SPMIP8: variants seen among roughly 807,000 people sequenced by gnomAD.
SPMIP8 encodes the protein sperm microtubule inner protein 8.
At chr16:57,980,002 T>C in the SPMIP8 span, among the ~76,000 whole-genome samples, 1 of 152,044 alleles carries the variant, frequency 6.6e-6, no homozygotes, top group African/African-American at 2.4e-5. Context: ...AGGCGGAGGT[T>C]GCGATGAGCC....
At chr16:57,981,404 T>TATTATTATAATTATTATTATA in the SPMIP8 span, among the ~76,000 whole-genome samples, 13 of 140,518 alleles carry the variant, frequency 9.3e-5, no homozygotes, top group South Asian at 2.1e-4. Context: ...TTATTATTAT[T>TATTATTATAATTATTATTATA]ATAATAATAA....
At chr16:57,987,568 C>A in the SPMIP8 span, 1 of 910,678 alleles carries the variant, frequency 1.1e-6, no homozygotes. Context: ...CCCTTAGAGA[C>A]ACACGCAATT....
At chr16:57,986,066 C>G in the SPMIP8 span, 1 of 1,276,676 alleles carries the variant, frequency 7.8e-7, no homozygotes, top group Non-Finnish European at 1.1e-6. Flanking sequence ...GGAGGAGGGG[C>G]CCTCCTGGGA....
the SPMIP8 span, chr16:57,976,720 A>C: frequency 8.5e-6 from 13 of 1,529,120 alleles, no homozygotes; most frequent in Admixed American, 2.3e-4. Context: ...ACATCCCCTA[A>C]GGCAGCTTCC....
chr16:57,983,341 T>C, the SPMIP8 span, among the ~76,000 whole-genome samples: 3 of 152,198 alleles, frequency 2.0e-5, no homozygotes, highest in African/African-American at 7.2e-5. Context: ...TTAATTAATA[T>C]TAATATCTGT....
the SPMIP8 span, chr16:57,984,531 T>A: frequency 3.7e-5 from 56 of 1,503,186 alleles, no homozygotes; most frequent in African/African-American, 7.2e-4. Context: ...CTCGGTCCAA[T>A]GCACCGGGCC....
At chr16:57,981,238 A>G in the SPMIP8 span, among the ~76,000 whole-genome samples, 18 of 151,318 alleles carry the variant, frequency 1.2e-4, no homozygotes, top group Non-Finnish European at 2.1e-4. Context: ...AAAATTAGCC[A>G]GGTGTGGTAG....
the SPMIP8 span, chr16:57,987,458 C>T: frequency 2.1e-5 from 33 of 1,576,540 alleles, no homozygotes; most frequent in Admixed American, 7.3e-5. Context: ...CCCAGGCTGC[C>T]GGACGGTGCC....
chr16:57,987,285 C>T, the SPMIP8 span: 2 of 1,162,106 alleles, frequency 1.7e-6, no homozygotes. Flanking sequence ...GTCTCCTGAG[C>T]CACATAGAGG....
At chr16:57,981,393 AT>A in the SPMIP8 span, among the ~76,000 whole-genome samples, 25 of 139,956 alleles carry the variant, frequency 1.8e-4, no homozygotes, top group African/African-American at 5.7e-4. Flanking sequence ...AATAATAATA[AT>A]TATTATTATT....
the SPMIP8 span, among the ~76,000 whole-genome samples, chr16:57,978,536 G>A: frequency 1.5e-4 from 23 of 150,924 alleles, no homozygotes; most frequent in African/African-American, 4.1e-4. Context: ...GTGAGTCTCC[G>A]TCTCAAAAAA....
At chr16:57,977,816 T>A in the SPMIP8 span, 1 of 1,612,016 alleles carries the variant, frequency 6.2e-7, no homozygotes, top group Non-Finnish European at 8.5e-7. Flanking sequence ...GCCCCCCAGC[T>A]ATGGCCCGCA....
chr16:57,983,784 C>T, the SPMIP8 span, among the ~76,000 whole-genome samples: 6 of 152,036 alleles, frequency 3.9e-5, no homozygotes, highest in African/African-American at 1.4e-4. Flanking sequence ...ACTAATTTTT[C>T]GTATTTTTGG....
the SPMIP8 span, among the ~76,000 whole-genome samples, chr16:57,977,468 C>T: frequency 2.0e-5 from 3 of 151,384 alleles, no homozygotes; most frequent in Admixed American, 6.6e-5. Flanking sequence ...CAAATACCAC[C>T]TCTTTTAGAC....
chr16:57,979,936 CG>C, the SPMIP8 span, among the ~76,000 whole-genome samples: 2 of 152,064 alleles, frequency 1.3e-5, no homozygotes, highest in Non-Finnish European at 2.9e-5. Flanking sequence ...GGCGGGGTGG[CG>C]GGTGCCTGTA....
the SPMIP8 span, chr16:57,985,955 C>A: frequency 1.9e-6 from 3 of 1,603,724 alleles, no homozygotes; most frequent in Admixed American, 3.5e-5. Flanking sequence ...GGGGAACGGT[C>A]CTGTCCCGCC....
chr16:57,979,335 G>A, the SPMIP8 span, among the ~76,000 whole-genome samples: 1 of 152,156 alleles, frequency 6.6e-6, no homozygotes, highest in African/African-American at 2.4e-5. Flanking sequence ...ACAAGTGAGG[G>A]AAGTGGGTGG....
the SPMIP8 span, chr16:57,985,458 C>T: frequency 6.2e-7 from 1 of 1,613,936 alleles, no homozygotes; most frequent in East Asian, 2.2e-5. Context: ...CTCACCGCGC[C>T]CCTATCCCTG....
chr16:57,982,901 G>A, the SPMIP8 span, among the ~76,000 whole-genome samples: 41 of 152,170 alleles, frequency 2.7e-4, no homozygotes, highest in Middle Eastern at 3.4e-3. Context: ...ATGGTAGCAC[G>A]CACCTGTAAT....
Sources: gnomAD v4.1 joint callset for allele counts (sites outside exome capture counted in the v4.1 genomes callset) on GRCh38, gnomAD v4.1.1 for gene constraint, MANE v1.5 for transcripts, NCBI Gene and HGNC (gene_info 2026-07-23, HGNC 2026-07-21) for gene names.